CSMD1: variants seen among roughly 807,000 people sequenced by gnomAD.
CSMD1 encodes the protein CUB and Sushi multiple domains 1.
In CSMD1, 213 loss-of-function variants were observed where a neutral mutation model predicts 417.5. The ratio of observed to expected loss-of-function variants is 0.51; its 90% confidence interval spans 0.46 to 0.57. CSMD1 has a LOEUF of 0.57. Among genes scored for constraint, CSMD1 ranks in the 20% least tolerant of loss-of-function variants. The pLI, the probability that CSMD1 is intolerant of heterozygous loss-of-function variation, is 0.00. For synonymous variants in CSMD1, 2,862 were observed against 1,736.8 expected, an observed-to-expected ratio of 1.65 and a Z score of -16.11; for missense variants, 6,923 against 4,529.7, an observed-to-expected ratio of 1.53 and a Z score of -15.17.
chr8:4,617,531 T>C (rs34112904), intron 2 of CSMD1, among the ~76,000 whole-genome samples: 47,330 of 152,018 alleles, frequency 0.31, 7,977 homozygotes, highest in Non-Finnish European at 0.37. Flanking sequence ...GGTTTCTGTC[T>C]GGATTTGGCT....
intron 1 of CSMD1, among the ~76,000 whole-genome samples, chr8:4,656,623 G>A (rs1053877520): frequency 1.3e-5 from 2 of 151,408 alleles, no homozygotes; most frequent in African/African-American, 2.5e-5. Flanking sequence ...ACCAACAAAG[G>A]TGGTGACTAA....
chr8:4,248,531 G>C (rs1394418725), intron 3 of CSMD1, among the ~76,000 whole-genome samples: 2 of 152,122 alleles, frequency 1.3e-5, no homozygotes, highest in Non-Finnish European at 2.9e-5. Flanking sequence ...GAGGATTTTA[G>C]GTTTTGCCAT....
At position 3,189,921 on chromosome 8, in the gene CSMD1, T is replaced by C; in HGVS notation, c.5389A>G (p.Ser1797Gly). The C allele has an allele frequency of 6.3e-7, 1 of 1,579,992 alleles. No homozygotes were observed. The highest frequency in any genetic ancestry group is 2.3e-5 in the East Asian group (1 of 43,120). Residue 1797 changes from serine to glycine, a missense_variant, in exon 34 of 70, where the codon AGC becomes GGC. Transcript: ENST00000635120. ...ALAQWNDTIPSCVVPCSGNFT... is the reference protein window; with the variant it reads ...ALAQWNDTIPGCVVPCSGNFT... The stretch of plus-strand genomic sequence containing the variant: ...TAGGGACACTGCTCACCCACACAGC[T>C]GGGGATCGTGTCGTTCCACTGTGCC...
chr8:3,701,576 T>G (rs1268745567), intron 7 of CSMD1, among the ~76,000 whole-genome samples: 1 of 152,128 alleles, frequency 6.6e-6, no homozygotes, highest in Non-Finnish European at 1.5e-5. Flanking sequence ...TGTATTTTAT[T>G]TGTTCATAAA....
intron 3 of CSMD1, among the ~76,000 whole-genome samples, chr8:4,133,735 G>C (rs1487025331): frequency 1.3e-5 from 2 of 151,198 alleles, no homozygotes; most frequent in African/African-American, 4.9e-5. Context: ...TTATGGTTAT[G>C]GTTTTTTTTA....
intron 1 of CSMD1, among the ~76,000 whole-genome samples, chr8:4,654,795 T>C (rs1452903093): frequency 3.3e-5 from 5 of 152,082 alleles, no homozygotes; most frequent in Non-Finnish European, 1.5e-5. Context: ...CAGACAACTT[T>C]GGAAAGTCAT....
At chr8:2,978,017 G>C (rs756167780) in intron 55 of CSMD1, among the ~76,000 whole-genome samples, 1 of 152,184 alleles carries the variant, frequency 6.6e-6, no homozygotes, top group Non-Finnish European at 1.5e-5. Context: ...ACAGTGTAGC[G>C]ATTCCTCAAA....
intron 26 of CSMD1, among the ~76,000 whole-genome samples, chr8:3,279,909 T>C (rs1339186167): frequency 1.2e-4 from 19 of 152,124 alleles, no homozygotes; most frequent in Admixed American, 1.1e-3. Flanking sequence ...TTGACACATA[T>C]GGATTATGAG....
At chr8:4,041,004 C>CTT (rs1226391565) in intron 3 of CSMD1, among the ~76,000 whole-genome samples, 1 of 129,806 alleles carries the variant, frequency 7.7e-6, no homozygotes, top group African/African-American at 2.8e-5. Flanking sequence ...TCTTTTCTTT[C>CTT]TTTTTTTTTT....
At position 3,000,113 on chromosome 8, in the gene CSMD1, G is replaced by T; in HGVS notation, c.8048C>A (p.Pro2683Gln). The T allele has an allele frequency of 6.4e-7, 1 of 1,557,394 alleles. No individual in the cohort carries two copies. Among genetic ancestry groups the T allele is most frequent in the South Asian group, 1.2e-5 (1 of 82,242 alleles). The change falls in exon 53 of 70, where the codon CCA becomes CAA. Residue 2683 changes from proline (P) to glutamine (Q), a missense_variant. Pro to Gln is a moderately conservative substitution (Grantham distance 76). Transcript: ENST00000635120. Reference protein sequence around the residue: ...TRCLAGHCGSPDPIVNGHISG... With the variant: ...TRCLAGHCGSQDPIVNGHISG... ...AATGTGACCGTTCACAATCGGGTCT[G>T]GGGAACCGCAGTGGCCAGCTAAAAA...
At chr8:3,349,867 A>G (rs868189731) in intron 21 of CSMD1, among the ~76,000 whole-genome samples, 1,616 of 79,842 alleles carry the variant, frequency 0.02, 37 homozygotes, top group African/African-American at 0.052. Context: ...AATTATATAA[A>G]TATATTTATA....
intron 6 of CSMD1, among the ~76,000 whole-genome samples, chr8:3,745,851 G>A (rs1466292315): frequency 6.6e-6 from 1 of 152,148 alleles, no homozygotes; most frequent in South Asian, 2.1e-4. Flanking sequence ...ATAATCTGTG[G>A]TTTCCCCACA....
intron 3 of CSMD1, among the ~76,000 whole-genome samples, chr8:4,092,296 G>T (rs542804243): frequency 6.6e-6 from 1 of 152,218 alleles, no homozygotes; most frequent in Admixed American, 6.5e-5. Flanking sequence ...AAACCCGAGG[G>T]CAACATTTCC....
intron 5 of CSMD1, among the ~76,000 whole-genome samples, chr8:3,992,128 G>A (rs545153518): frequency 1.5e-4 from 23 of 151,316 alleles, no homozygotes; most frequent in African/African-American, 5.6e-4. Flanking sequence ...ATATATATGT[G>A]TGTGTGTGTG....
At chr8:3,813,239 G>C (rs1328676093) in intron 5 of CSMD1, among the ~76,000 whole-genome samples, 1 of 151,852 alleles carries the variant, frequency 6.6e-6, no homozygotes, top group Non-Finnish European at 1.5e-5. Context: ...AAATTGTCCT[G>C]TCATCATTAA....
intron 1 of CSMD1, among the ~76,000 whole-genome samples, chr8:4,851,572 T>A (rs1260895221): frequency 6.6e-6 from 1 of 152,126 alleles, no homozygotes; most frequent in East Asian, 1.9e-4. Flanking sequence ...CTATGACCTG[T>A]ATCTTCAGTT....
intron 16 of CSMD1, among the ~76,000 whole-genome samples, chr8:3,398,568 C>G (rs1038137070): frequency 1.3e-5 from 2 of 152,034 alleles, no homozygotes; most frequent in African/African-American, 4.8e-5. Context: ...CTTGAGACAC[C>G]ATAATATTCC....
At chr8:3,032,332 A>T (rs765973797) in intron 50 of CSMD1, among the ~76,000 whole-genome samples, 1 of 151,996 alleles carries the variant, frequency 6.6e-6, no homozygotes, top group African/African-American at 2.4e-5. Context: ...AACCAAGAGG[A>T]TGCCAGACCA....
chr8:4,905,360 TTAGA>T (rs60719795), intron 1 of CSMD1, among the ~76,000 whole-genome samples: 5,810 of 152,114 alleles, frequency 0.038, 310 homozygotes, highest in African/African-American at 0.12. Context: ...CATTAGACTC[TTAGA>T]TAGATTTATA....
Sources: allele counts gnomAD v4.1 joint callset (sites outside exome capture counted in the v4.1 genomes callset), GRCh38; gene constraint gnomAD v4.1.1; transcripts MANE v1.5; gene names NCBI Gene and HGNC (gene_info 2026-07-23, HGNC 2026-07-21).